The following TTLL11 variants were observed in gnomAD, a reference collection of about 807,000 sequenced individuals.
TTLL11 encodes the protein tubulin polyglutamylase TTLL11.
A neutral mutation model predicts 51.7 loss-of-function variants in TTLL11; 42 were observed. That is an observed-to-expected ratio of 0.81 (90% CI 0.64 to 1.05). The LOEUF (loss-of-function observed/expected upper bound fraction) is 1.05, where lower values mean the gene tolerates loss of function less well. Among genes scored for constraint, TTLL11 ranks in the 50% least tolerant of loss-of-function variants. The pLI is 0.00. For synonymous variants in TTLL11, 381 were observed against 383.5 expected (o/e 0.99, Z 0.08); for missense variants, 799 against 940.4 (o/e 0.85, Z 1.97).
intron 4 of TTLL11, among the ~76,000 whole-genome samples, chr9:121,983,926 A>G (rs1187011553): frequency 6.6e-6 from 1 of 152,176 alleles, no homozygotes; most frequent in Non-Finnish European, 1.5e-5. Flanking sequence ...GAAAAAGCTG[A>G]AATATCAGAA....
rs370258120 is a variant in TTLL11, at chr9:121,821,050, C to T, written c.*1537G>A. On this transcript the variant is annotated 3_prime_UTR_variant, in exon 9 of 9. Coordinates refer to ENST00000321582, the MANE Select transcript of TTLL11 (RefSeq NM_001139442.2). The surrounding 1 kb of genome is among the most constrained non-coding windows in gnomAD (Gnocchi z 5.0). Reference sequence around the variant, plus strand: ...CAGGCAAGGATGAACAGAGCAGCCCCTGCTCTGAAATCGCTTGCCAACAAT... The same window carrying T: ...CAGGCAAGGATGAACAGAGCAGCCCTTGCTCTGAAATCGCTTGCCAACAAT... Among the ~76,000 whole-genome samples, 10 of 152,062 alleles carry T rather than the reference C, an allele frequency of 6.6e-5. No homozygotes were observed. Among genetic ancestry groups the T allele is most frequent in the East Asian group, 5.8e-4 (3 of 5,144 alleles).
rs1226221957 is a variant in TTLL11 at position 121,899,365 on chromosome 9, G to GTGTATATATATACATATACA, written c.1482-28618_1482-28617insTGTATATGTATATATATACA. On this transcript the variant is annotated intron_variant, in intron 6 of 8. Transcript: ENST00000321582. The stretch of plus-strand genomic sequence containing the variant: ...TCTGTGTGTGTGTGTATGTGTGTGT[G>GTGTATATATATACATATACA]TATATATATATACATATATATATAT... Among the ~76,000 whole-genome samples, 14 of 113,234 alleles carry GTGTATATATATACATATACA rather than the reference G, an allele frequency of 1.2e-4. No individual in the cohort carries two copies. In the Admixed American group the frequency reaches 1.4e-3, roughly 12 times the overall value. 74.3% of individuals were successfully genotyped at this position (113,234 alleles called of 152,430 possible).
At chr9:122,020,373 T>C (rs1844133485) in intron 3 of TTLL11, among the ~76,000 whole-genome samples, 1 of 152,248 alleles carries the variant, frequency 6.6e-6, no homozygotes, top group Admixed American at 6.5e-5. Context: ...AACAAAGTTT[T>C]ACTCCTTTTC....
intron 6 of TTLL11, among the ~76,000 whole-genome samples, chr9:121,940,912 C>T (rs1478305809): frequency 6.6e-6 from 1 of 152,214 alleles, no homozygotes; most frequent in African/African-American, 2.4e-5. Context: ...AACCTAGAAA[C>T]ATTGGCTAAA....
At position 122,093,278 on chromosome 9, in the gene TTLL11, A is replaced by G; in HGVS notation, c.-130T>C. ...TTCCCCGCCCGAGCCCGTTGCCATG[A>G]TCGCTCAGGCTCGGGTTGACAGCGG... On this transcript the variant is annotated 5_prime_UTR_variant, in exon 1 of 9. Coordinates refer to ENST00000321582, the MANE Select transcript of TTLL11 (RefSeq NM_001139442.2). 1 of 1,557,164 alleles carries G rather than the reference A, an allele frequency of 6.4e-7. No individual in the cohort carries two copies. Among genetic ancestry groups the G allele is most frequent in the Non-Finnish European group, 8.6e-7 (1 of 1,162,050 alleles).
At chr9:121,831,210 G>C (rs953487085) in intron 8 of TTLL11, among the ~76,000 whole-genome samples, 1 of 152,176 alleles carries the variant, frequency 6.6e-6, no homozygotes, top group Non-Finnish European at 1.5e-5. Flanking sequence ...AAAATAATCT[G>C]GGGACCTTGC....
At chr9:121,850,056 T>C (rs1298827108) in intron 8 of TTLL11, among the ~76,000 whole-genome samples, 1 of 94,658 alleles carries the variant, frequency 1.1e-5, no homozygotes, top group African/African-American at 4.4e-5. Context: ...TTTAAAATTG[T>C]TATATTATTT....
chr9:121,836,069 C>A (rs1837171044), intron 8 of TTLL11, among the ~76,000 whole-genome samples: 1 of 152,212 alleles, frequency 6.6e-6, no homozygotes, highest in Admixed American at 6.5e-5. Flanking sequence ...GTGTCAGGCA[C>A]TGTGGTGAGT....
intron 4 of TTLL11, among the ~76,000 whole-genome samples, chr9:121,985,204 G>C (rs540771443): frequency 5.3e-5 from 8 of 152,326 alleles, no homozygotes; most frequent in African/African-American, 1.9e-4. Context: ...AGCGAGAGGG[G>C]CTGTGTGGCA....
intron 1 of TTLL11, among the ~76,000 whole-genome samples, chr9:122,091,154 T>G (rs1846250969): frequency 6.6e-6 from 1 of 152,206 alleles, no homozygotes; most frequent in African/African-American, 2.4e-5. Flanking sequence ...AGATCTGGCC[T>G]GCTTTATGTC....
intron 8 of TTLL11, among the ~76,000 whole-genome samples, chr9:121,828,535 C>A (rs1452483563): frequency 6.6e-6 from 1 of 152,080 alleles, no homozygotes; most frequent in Admixed American, 6.5e-5. Context: ...TGCTATGCAG[C>A]CTTTATAACC....
chr9:121,825,517 G>A (rs954771616), intron 8 of TTLL11, among the ~76,000 whole-genome samples: 1 of 152,204 alleles, frequency 6.6e-6, no homozygotes, highest in Non-Finnish European at 1.5e-5. Flanking sequence ...AGGAAGCAGC[G>A]TGCTGTCTAC....
intron 8 of TTLL11, among the ~76,000 whole-genome samples, chr9:121,840,712 T>C (rs1837324017): frequency 6.6e-6 from 1 of 152,126 alleles, no homozygotes; most frequent in Admixed American, 6.6e-5. Flanking sequence ...ACAGTTTCAA[T>C]GAGGAGGCAG....
At chr9:121,904,465 A>G (rs530709489) in intron 6 of TTLL11, among the ~76,000 whole-genome samples, 191 of 152,274 alleles carry the variant, frequency 1.3e-3, no homozygotes, top group Middle Eastern at 3.4e-3. Context: ...GTGAGCCACC[A>G]CGCCCAGCCC....
At chr9:121,988,947 T>C in intron 4 of TTLL11, 2 of 814,794 alleles carry the variant, frequency 2.5e-6, no homozygotes, top group Non-Finnish European at 3.6e-6. Flanking sequence ...TACAAGAACC[T>C]TTTAAGATAG....
rs144867268 is a variant in TTLL11 at position 121,839,300 on chromosome 9, G to A, written c.1841-16421C>T. ...CCTGCACGTCCCCATCACCCCCAGT[G>A]CCTGGCGTGTAGGGGCGGCTCATTG... On this transcript the variant is annotated intron_variant, in intron 8 of 8. Transcript: ENST00000321582. Among the ~76,000 whole-genome samples the A allele has an allele frequency of 2.9e-3, 449 of 152,354 alleles. 4 individuals are homozygous for A. The highest frequency in any genetic ancestry group is 0.01 in the Middle Eastern group (3 of 294).
intron 8 of TTLL11, among the ~76,000 whole-genome samples, chr9:121,839,334 G>T (rs1160360849): frequency 6.6e-6 from 1 of 152,158 alleles, no homozygotes; most frequent in Non-Finnish European, 1.5e-5. Context: ...TGAACATTAG[G>T]TGATCCACTT....
intron 6 of TTLL11, among the ~76,000 whole-genome samples, chr9:121,917,400 T>C (rs1358280755): frequency 6.6e-6 from 1 of 151,096 alleles, no homozygotes; most frequent in Non-Finnish European, 1.5e-5. Context: ...AGCCCCAGAG[T>C]TCAAGGTTGT....
At chr9:121,950,195 C>T (rs1198471870) in intron 6 of TTLL11, among the ~76,000 whole-genome samples, 5 of 152,110 alleles carry the variant, frequency 3.3e-5, no homozygotes, top group Non-Finnish European at 5.9e-5. Context: ...CCCTCCTAGG[C>T]GCTCTGCACC....
Sources: gnomAD v4.1 joint callset for allele counts (sites outside exome capture counted in the v4.1 genomes callset) on GRCh38, gnomAD v4.1.1 for gene constraint, Gnocchi (gnomAD v3.1) non-coding constraint, MANE v1.5 for transcripts, NCBI Gene and HGNC (gene_info 2026-07-23, HGNC 2026-07-21) for gene names.